STOX2: variants seen among roughly 807,000 people sequenced by gnomAD.
STOX2 encodes storkhead-box protein 2.
STOX2 carries 28 observed loss-of-function variants against 60.9 expected under a neutral mutation model. The observed-to-expected ratio is 0.46, with a 90% CI of 0.34 to 0.63. STOX2 has a LOEUF of 0.63. Ranked by LOEUF, STOX2 falls within the 30% of genes least tolerant of loss-of-function variation. The pLI, the probability that STOX2 is intolerant of heterozygous loss-of-function variation, is 0.01. For missense variants in STOX2, 1,024 were observed against 1,187.7 expected (o/e 0.86, Z 2.03); for synonymous variants, 472 against 463.9 (o/e 1.02, Z -0.22).
At chr4:183,968,247 T>G (rs1297135540) in intron 1 of STOX2, among the ~76,000 whole-genome samples, 9 of 147,794 alleles carry the variant, frequency 6.1e-5, no homozygotes, top group Admixed American at 6.0e-4. Context: ...AGCTTTTAGT[T>G]CTGGCAAGCA....
chr4:183,953,201 G>C (rs746224661), intron 1 of STOX2, among the ~76,000 whole-genome samples: 9 of 152,070 alleles, frequency 5.9e-5, no homozygotes, highest in Non-Finnish European at 1.2e-4. Flanking sequence ...AAAAAAAAAA[G>C]TGTGGTGTTT....
chr4:183,993,744 G>A (rs1733209328), intron 1 of STOX2, among the ~76,000 whole-genome samples: 1 of 152,140 alleles, frequency 6.6e-6, no homozygotes, highest in Admixed American at 6.5e-5. Context: ...CAGTAAACTA[G>A]TAAAAGTGCC....
intron 1 of STOX2, among the ~76,000 whole-genome samples, chr4:183,970,135 T>C (rs1459456965): frequency 1.6e-5 from 2 of 127,868 alleles, no homozygotes; most frequent in Non-Finnish European, 3.3e-5. Context: ...TATAACTACA[T>C]GTACGTGTGT....
intron 1 of STOX2, among the ~76,000 whole-genome samples, chr4:183,939,839 A>G (rs965283644): frequency 3.3e-5 from 5 of 152,174 alleles, no homozygotes; most frequent in African/African-American, 9.7e-5. Context: ...TAAAGTTCCT[A>G]AAAATTCTGA....
At chr4:183,912,631 G>A (rs1181542656) in intron 1 of STOX2, among the ~76,000 whole-genome samples, 2 of 152,150 alleles carry the variant, frequency 1.3e-5, no homozygotes, top group Non-Finnish European at 2.9e-5. Context: ...TTTTGTACTT[G>A]TGTTACAGCA....
chr4:183,892,166 C>G (rs752184789), intron 1 of STOX2, among the ~76,000 whole-genome samples: 4 of 152,238 alleles, frequency 2.6e-5, no homozygotes, highest in Non-Finnish European at 4.4e-5. Flanking sequence ...AGAACTGTGT[C>G]CCTCCGAGAT....
chr4:184,006,241 A>T (rs1733818966), intron 2 of STOX2, among the ~76,000 whole-genome samples: 2 of 152,224 alleles, frequency 1.3e-5, no homozygotes, highest in Non-Finnish European at 2.9e-5. Flanking sequence ...AATACTTATA[A>T]ATGAACCTTA....
At chr4:183,916,342 G>A (rs1449285750) in intron 1 of STOX2, among the ~76,000 whole-genome samples, 1 of 152,226 alleles carries the variant, frequency 6.6e-6, no homozygotes, top group Non-Finnish European at 1.5e-5. Context: ...CTGAGAGGCT[G>A]TGTAGCATAG....
intron 1 of STOX2, among the ~76,000 whole-genome samples, chr4:183,935,961 G>T (rs1742578452): frequency 6.6e-6 from 1 of 152,144 alleles, no homozygotes; most frequent in African/African-American, 2.4e-5. Flanking sequence ...AAATTTTTTT[G>T]TTGAAATGAA....
At chr4:183,961,031 C>T (rs569873698) in intron 1 of STOX2, among the ~76,000 whole-genome samples, 2 of 152,122 alleles carry the variant, frequency 1.3e-5, no homozygotes, top group Admixed American at 6.5e-5. Context: ...TGTGACACAG[C>T]GACTTGGATG....
rs1215601352 is a variant in STOX2, at chr4:183,821,276, G to T, written c.364+23221G>T. On this transcript the variant is annotated intron_variant, in intron 1 of 2. Transcript: ENST00000513034. This position sits in a 1 kb window ranked among gnomAD's most constrained non-coding sequence, Gnocchi z 4.2. Reference sequence around the variant, plus strand: ...AACCCTCCCTTGGCTGGAGGCCCGTGTGTAACCATATGGTGCTTCACGGAA... The same window carrying T: ...AACCCTCCCTTGGCTGGAGGCCCGTTTGTAACCATATGGTGCTTCACGGAA... Among the ~76,000 whole-genome samples, 1 of 152,186 alleles carries T rather than the reference G, an allele frequency of 6.6e-6. No homozygotes were observed. Among genetic ancestry groups the T allele is most frequent in the Admixed American group, 6.5e-5 (1 of 15,288 alleles).
chr4:183,850,601 T>G (rs1579332394), intron 1 of STOX2, among the ~76,000 whole-genome samples: 1 of 151,910 alleles, frequency 6.6e-6, no homozygotes, highest in Admixed American at 6.6e-5. Flanking sequence ...TGGTGGCAGG[T>G]GCCTGTAATC....
At chr4:183,820,232 T>A (rs1485234513) in intron 1 of STOX2, among the ~76,000 whole-genome samples, 1 of 152,148 alleles carries the variant, frequency 6.6e-6, no homozygotes, top group Non-Finnish European at 1.5e-5. Flanking sequence ...GCTAGACTAT[T>A]TTTATTTTAT....
intron 1 of STOX2, among the ~76,000 whole-genome samples, chr4:183,891,999 C>T (rs1363584919): frequency 6.6e-6 from 1 of 152,070 alleles, no homozygotes; most frequent in Admixed American, 6.5e-5. Context: ...GACAGGCCGG[C>T]GGTCTCCACA....
intron 1 of STOX2, among the ~76,000 whole-genome samples, chr4:183,959,700 A>G (rs1743357638): frequency 6.6e-6 from 1 of 152,220 alleles, no homozygotes; most frequent in South Asian, 2.1e-4. Flanking sequence ...AAATATTGAA[A>G]GAACATTTTG....
intron 1 of STOX2, among the ~76,000 whole-genome samples, chr4:183,928,998 C>A (rs552759361): frequency 6.6e-6 from 1 of 152,286 alleles, no homozygotes; most frequent in East Asian, 1.9e-4. Context: ...GTAACACAAG[C>A]CCCGAAAGCG....
At chr4:183,853,744 G>A (rs1199122415) in intron 1 of STOX2, 1 of 152,182 alleles carries the variant, frequency 6.6e-6, no homozygotes, top group Non-Finnish European at 1.5e-5. Flanking sequence ...GAGAATAAAA[G>A]CAGCAGTCGT....
chr4:183,927,210 G>T (rs1560886720), intron 1 of STOX2, among the ~76,000 whole-genome samples: 1 of 152,180 alleles, frequency 6.6e-6, no homozygotes. Flanking sequence ...GTGGGAGCAG[G>T]CTGGCTGAGT....
At position 183,865,314 on chromosome 4, in the gene STOX2, A is replaced by G. The variant is rs1296146067; in HGVS notation, c.364+67259A>G. On this transcript the variant is annotated intron_variant, in intron 1 of 2. Transcript: ENST00000513034. The surrounding 1 kb of genome is among the most constrained non-coding windows in gnomAD (Gnocchi z 4.1). The stretch of plus-strand genomic sequence containing the variant: ...CTCTCTTCTTAGATACTCGGTTTTA[A>G]AGTGACTGGGGTGGGTGGGATTGCT... 3.3e-5 allele frequency among the ~76,000 whole-genome samples: 5 copies of G among 152,204 alleles called. No individual in the cohort carries two copies. The highest frequency in any genetic ancestry group is 1.3e-4 in the Admixed American group (2 of 15,280).
Sources: allele counts gnomAD v4.1 joint callset (sites outside exome capture counted in the v4.1 genomes callset), GRCh38; gene constraint gnomAD v4.1.1; non-coding constraint Gnocchi (gnomAD v3.1); transcripts MANE v1.5; gene names NCBI Gene and HGNC (gene_info 2026-07-23, HGNC 2026-07-21).